FHOD3: variants seen among roughly 807,000 people sequenced by gnomAD.
FHOD3 encodes the protein FH1/FH2 domain-containing protein 3.
Under a neutral mutation model 173.0 loss-of-function variants are expected in FHOD3, and 90 were observed. The observed-to-expected ratio is 0.52, with a 90% CI of 0.44 to 0.62. FHOD3 has a LOEUF of 0.62. FHOD3 is among the 20% of genes least tolerant of loss of function. FHOD3 has a pLI of 0.00. For synonymous variants in FHOD3, 828 were observed against 823.0 expected, an observed-to-expected ratio of 1.01 and a Z score of -0.10; for missense variants, 1,945 against 2,034.7, an observed-to-expected ratio of 0.96 and a Z score of 0.85.
intron 13 of FHOD3, 39 bp downstream of exon 13, chr18:36,653,455 C>A (rs1434373620): frequency 1.4e-6 from 2 of 1,381,186 alleles, no homozygotes; most frequent in East Asian, 5.0e-5. Flanking sequence ...CTGTAGCTTT[C>A]TGTTTTATAT....
chr18:36,667,920 T>C (rs576208090), intron 14 of FHOD3, among the ~76,000 whole-genome samples: 37 of 152,308 alleles, frequency 2.4e-4, no homozygotes, highest in Admixed American at 1.3e-4. Context: ...TGTTAAGTAG[T>C]GCATGGTTGT....
chr18:36,734,033 G>C (rs2041507751), intron 20 of FHOD3, among the ~76,000 whole-genome samples: 1 of 152,122 alleles, frequency 6.6e-6, no homozygotes. Context: ...GAATCTGAAA[G>C]GGGAGGGAGA....
intron 14 of FHOD3, among the ~76,000 whole-genome samples, chr18:36,667,702 T>G (rs12608114): frequency 0.083 from 12,653 of 152,216 alleles, 857 homozygotes; most frequent in East Asian, 0.24. Context: ...ATTGAAAGCA[T>G]GAACATTACT....
At chr18:36,457,436 G>A (rs1455850492) in intron 3 of FHOD3, among the ~76,000 whole-genome samples, 2 of 152,090 alleles carry the variant, frequency 1.3e-5, no homozygotes, top group Non-Finnish European at 2.9e-5. Context: ...ACCAAGCTCT[G>A]TAGCACACAC....
chr18:36,678,943 G>A (rs991189132), intron 14 of FHOD3, among the ~76,000 whole-genome samples: 7 of 144 alleles, frequency 0.049, no homozygotes, highest in Admixed American at 0.19. Flanking sequence ...AAAATGGGTT[G>A]TGGGAGATTT....
chr18:36,300,320 A>G (rs913275817), intron 1 of FHOD3, among the ~76,000 whole-genome samples: 13 of 152,184 alleles, frequency 8.5e-5, no homozygotes, highest in African/African-American at 3.1e-4. Context: ...CTTCTCTTCC[A>G]TTAACTGGAG....
chr18:36,473,225 C>T (rs2053381318), intron 3 of FHOD3, among the ~76,000 whole-genome samples: 1 of 152,136 alleles, frequency 6.6e-6, no homozygotes, highest in Non-Finnish European at 1.5e-5. Flanking sequence ...ACCAGCCTGG[C>T]CAACATGGTG....
At chr18:36,723,429 C>T (rs12964195) in intron 19 of FHOD3, among the ~76,000 whole-genome samples, 9 of 152,132 alleles carry the variant, frequency 5.9e-5, no homozygotes, top group African/African-American at 2.2e-4. Context: ...CTATACATCT[C>T]CCCGTCTCCC....
In FHOD3 at chr18:36,552,482, C is replaced by T. The variant is rs916766276; in HGVS notation, c.512-23969C>T. Among the ~76,000 whole-genome samples, 9 of 151,314 alleles carry T rather than the reference C, an allele frequency of 5.9e-5. No homozygotes were observed. In the South Asian group the frequency reaches 8.4e-4, roughly 14 times the overall value. ...CTTCCTCTTTTCCTAATTGAATACC[C>T]TTTATTTCTTTTTCTTTTTCTTTTT... On this transcript the variant is annotated intron_variant, in intron 5 of 28. Transcript: ENST00000590592.
At chr18:36,570,234 A>G (rs2058406705) in intron 5 of FHOD3, among the ~76,000 whole-genome samples, 1 of 152,106 alleles carries the variant, frequency 6.6e-6, no homozygotes, top group Non-Finnish European at 1.5e-5. Flanking sequence ...GAATTATGAC[A>G]GAATACTATG....
At chr18:36,474,171 A>T (rs1295344569) in intron 3 of FHOD3, among the ~76,000 whole-genome samples, 1 of 152,236 alleles carries the variant, frequency 6.6e-6, no homozygotes, top group African/African-American at 2.4e-5. Context: ...TCAGATCCTT[A>T]AAGTATCTTG....
At chr18:36,616,812 C>T (rs1599887467) in intron 9 of FHOD3, among the ~76,000 whole-genome samples, 1 of 152,324 alleles carries the variant, frequency 6.6e-6, no homozygotes, top group East Asian at 1.9e-4. Context: ...ATTGGCTAAT[C>T]AGAGATCTTT....
chr18:36,660,465 G>A (rs946147164), intron 14 of FHOD3, among the ~76,000 whole-genome samples: 2 of 152,214 alleles, frequency 1.3e-5, no homozygotes, highest in Non-Finnish European at 2.9e-5. Context: ...AAGGGCTGCC[G>A]CGAGGCAGTG....
chr18:36,425,810 AATAG>A (rs1187111669), intron 3 of FHOD3, among the ~76,000 whole-genome samples: 2 of 152,202 alleles, frequency 1.3e-5, no homozygotes, highest in Admixed American at 6.5e-5. Context: ...TAGTTGGAAT[AATAG>A]ATATATATGT....
intron 8 of FHOD3, among the ~76,000 whole-genome samples, chr18:36,611,376 C>T (rs77281647): frequency 0.014 from 2,063 of 152,290 alleles, 53 homozygotes; most frequent in African/African-American, 0.047. Context: ...CAGGGTCTCA[C>T]AAGGCTGCAG....
At chr18:36,651,439 T>C (rs1306798823) in intron 11 of FHOD3, among the ~76,000 whole-genome samples, 1 of 152,180 alleles carries the variant, frequency 6.6e-6, no homozygotes, top group African/African-American at 2.4e-5. Flanking sequence ...AGTTTTATAA[T>C]ATTTAATGGA....
chr18:36,357,803 A>G (rs1168100001), intron 2 of FHOD3, among the ~76,000 whole-genome samples: 1 of 152,188 alleles, frequency 6.6e-6, no homozygotes, highest in Non-Finnish European at 1.5e-5. Flanking sequence ...TGAGTAGATC[A>G]TTGTCAGCTT....
intron 3 of FHOD3, among the ~76,000 whole-genome samples, chr18:36,487,223 A>G (rs1352954915): frequency 6.6e-6 from 1 of 152,236 alleles, no homozygotes; most frequent in Non-Finnish European, 1.5e-5. Flanking sequence ...GCAACTATCA[A>G]ACTGCTTTCT....
intron 11 of FHOD3, among the ~76,000 whole-genome samples, chr18:36,650,173 CTTAA>C (rs893948674): frequency 1.8e-4 from 28 of 151,876 alleles, no homozygotes; most frequent in African/African-American, 6.8e-4. Context: ...GTTTTCTTCA[CTTAA>C]TTGATTGCCA....
Sources: allele counts gnomAD v4.1 joint callset (sites outside exome capture counted in the v4.1 genomes callset), GRCh38; gene constraint gnomAD v4.1.1; transcripts MANE v1.5; gene names NCBI Gene and HGNC (gene_info 2026-07-23, HGNC 2026-07-21).